Variants in ZCCHC7 observed in about 807,000 individuals in gnomAD.
The protein encoded by ZCCHC7 is zinc finger CCHC-type containing 7, also known as zinc finger CCHC domain-containing protein 7.
In ZCCHC7, 35 loss-of-function variants were observed where a neutral mutation model predicts 52.0. The observed-to-expected ratio is 0.67, with a 90% CI of 0.51 to 0.89. The LOEUF (loss-of-function observed/expected upper bound fraction) is 0.89, where lower values mean the gene tolerates loss of function less well. Ranked by LOEUF, ZCCHC7 falls within the 40% of genes least tolerant of loss-of-function variation. The probability of loss-of-function intolerance (pLI) is 0.00; values close to 1 mark genes in which losing one functional copy is unlikely to be tolerated. For missense variants in ZCCHC7, 574 were observed against 649.1 expected, an observed-to-expected ratio of 0.88 and a Z score of 1.26; for synonymous variants, 217 against 221.5, an observed-to-expected ratio of 0.98 and a Z score of 0.18.
intron 1 of ZCCHC7, among the ~76,000 whole-genome samples, chr9:37,122,681 T>C (rs1440357633): frequency 1.3e-5 from 2 of 152,278 alleles, no homozygotes; most frequent in Non-Finnish European, 2.9e-5. Flanking sequence ...GGCTCACGCC[T>C]GTAATCCAGG....
intron 2 of ZCCHC7, among the ~76,000 whole-genome samples, chr9:37,215,641 C>T (rs1426828807): frequency 2.0e-5 from 3 of 152,118 alleles, no homozygotes; most frequent in Non-Finnish European, 2.9e-5. Flanking sequence ...GAGCAGCACA[C>T]GTTACTGACA....
At chr9:37,249,538 G>A (rs570801341) in intron 2 of ZCCHC7, among the ~76,000 whole-genome samples, 8 of 137,288 alleles carry the variant, frequency 5.8e-5, no homozygotes, top group African/African-American at 1.9e-4. Context: ...TGCAACCTCC[G>A]CATCCTGGGT....
Position 37,304,211 on chromosome 9 carries a change from A to ACCT in ZCCHC7, c.679_681dup (p.Pro227dup), listed in dbSNP as rs754176623. On this transcript the variant is annotated inframe_insertion, in exon 4 of 9. Coordinates refer to ENST00000336755, the MANE Select transcript of ZCCHC7 (RefSeq NM_032226.3). Reference sequence around the variant, plus strand: ...AGGCCCAGATAGCTAATAACCGAACACCTGGAAGATGGACCCAGCGGTACT... The same window carrying ACCT: ...AGGCCCAGATAGCTAATAACCGAACACCTCCTGGAAGATGGACCCAGCGGTACT... 7.5e-5 allele frequency: 121 copies of ACCT among 1,612,756 alleles called. 2 individuals carry two copies. The South Asian group carries it at 1.3e-3, about 17-fold the overall frequency.
rs139511481 is a variant in ZCCHC7, at chr9:37,292,903, C to G, written c.611-9285C>G. Reference sequence around the variant, plus strand: ...ACAGTCTTAGATCTCAGGTGATGAACAACTGTAATGACTGGAAGGGGGAAC... The same window carrying G: ...ACAGTCTTAGATCTCAGGTGATGAAGAACTGTAATGACTGGAAGGGGGAAC... On this transcript the variant is annotated intron_variant, in intron 2 of 8. Coordinates refer to ENST00000336755, the MANE Select transcript of ZCCHC7 (RefSeq NM_032226.3). Among the ~76,000 whole-genome samples, 490 of 152,078 alleles carry G rather than the reference C, an allele frequency of 3.2e-3. 2 individuals carry two copies. The highest frequency in any genetic ancestry group is 0.011 in the African/African-American group (463 of 41,498).
intron 1 of ZCCHC7, among the ~76,000 whole-genome samples, chr9:37,125,030 T>A (rs1428638304): frequency 1.3e-5 from 2 of 152,216 alleles, no homozygotes; most frequent in African/African-American, 4.8e-5. Flanking sequence ...TTCTTTATTT[T>A]TAGCAGATAT....
intron 6 of ZCCHC7, among the ~76,000 whole-genome samples, chr9:37,330,027 A>G (rs572694573): frequency 6.6e-6 from 1 of 151,936 alleles, no homozygotes; most frequent in Non-Finnish European, 1.5e-5. Flanking sequence ...GGAGCTTTAC[A>G]GTTGCTTTTA....
intron 2 of ZCCHC7, among the ~76,000 whole-genome samples, chr9:37,290,339 T>C (rs1828474367): frequency 6.6e-6 from 1 of 152,116 alleles, no homozygotes; most frequent in African/African-American, 2.4e-5. Flanking sequence ...AATTTTTTTT[T>C]ATTTTGAGTG....
chr9:37,294,424 A>T (rs756547258), intron 2 of ZCCHC7, among the ~76,000 whole-genome samples: 26 of 152,328 alleles, frequency 1.7e-4, no homozygotes, highest in Admixed American at 3.3e-4. Context: ...ATCCATAAAC[A>T]CTGGTTAGGT....
intron 5 of ZCCHC7, among the ~76,000 whole-genome samples, chr9:37,309,688 G>A (rs1344674619): frequency 4.6e-5 from 7 of 152,152 alleles, no homozygotes; most frequent in African/African-American, 1.4e-4. Flanking sequence ...TTGGGAGGCC[G>A]AGGTAGGCAG....
At chr9:37,226,797 G>A (rs569047962) in intron 2 of ZCCHC7, among the ~76,000 whole-genome samples, 1 of 152,246 alleles carries the variant, frequency 6.6e-6, no homozygotes, top group East Asian at 1.9e-4. Context: ...TTGAGACACC[G>A]AGGCGGGTGG....
intron 5 of ZCCHC7, among the ~76,000 whole-genome samples, chr9:37,306,414 T>C (rs369120969): frequency 1.3e-5 from 2 of 151,902 alleles, no homozygotes; most frequent in Non-Finnish European, 2.9e-5. Context: ...TTAGCAGTTA[T>C]ATACAGATGT....
intron 2 of ZCCHC7, among the ~76,000 whole-genome samples, chr9:37,282,140 A>T (rs1174791730): frequency 6.6e-6 from 1 of 152,150 alleles, no homozygotes; most frequent in East Asian, 1.9e-4. Context: ...CATGTTTTCT[A>T]TCAAAAATAA....
chr9:37,120,723 G>GC, intron 1 of ZCCHC7, 100 bp downstream of exon 1: 1 of 361,870 alleles, frequency 2.8e-6, no homozygotes, highest in South Asian at 1.4e-4. Flanking sequence ...GTGCCCCCTC[G>GC]CCGGCCTCGA....
intron 2 of ZCCHC7, among the ~76,000 whole-genome samples, chr9:37,280,150 A>AG (rs1030407162): frequency 2.6e-5 from 4 of 152,208 alleles, no homozygotes; most frequent in African/African-American, 9.6e-5. Flanking sequence ...CAAAAAAAAA[A>AG]AGGGATGTTT....
chr9:37,327,566 AAG>A, intron 5 of ZCCHC7: 1 of 439,754 alleles, frequency 2.3e-6, no homozygotes, highest in Non-Finnish European at 4.1e-6. Context: ...TGAAAAGAAA[AAG>A]AGAGAAAACT....
chr9:37,320,180 C>T (rs1394840157), intron 5 of ZCCHC7, among the ~76,000 whole-genome samples: 1 of 152,124 alleles, frequency 6.6e-6, no homozygotes, highest in Non-Finnish European at 1.5e-5. Context: ...TGGGTTCAAG[C>T]AATTCTCCTG....
In ZCCHC7 at chr9:37,126,817, A is replaced by G. The variant is rs764392007; in HGVS notation, c.485A>G (p.Glu162Gly). The change falls in exon 2 of 9, where the codon GAG becomes GGG. Residue 162 changes from glutamate (E) to glycine (G), a missense_variant. Transcript: ENST00000336755. ...VMIIEVSSSE[E>G]EESTISEGDN... ...ATTATAGAGGTCAGTTCAAGTGAAG[A>G]GGAAGAGAGCACCATTTCAGAAGGT... The G allele has an allele frequency of 1.9e-6, 3 of 1,614,204 alleles. No individual in the cohort carries two copies. Among genetic ancestry groups the G allele is most frequent in the Non-Finnish European group, 1.7e-6 (2 of 1,180,022 alleles).
At chr9:37,194,972 G>A (rs1471815717) in intron 2 of ZCCHC7, among the ~76,000 whole-genome samples, 1 of 148,258 alleles carries the variant, frequency 6.7e-6, no homozygotes, top group East Asian at 2.0e-4. Context: ...TTTGAGATGG[G>A]GTCTCACTCT....
At chr9:37,161,593 A>G (rs1821111384) in intron 2 of ZCCHC7, among the ~76,000 whole-genome samples, 2 of 152,126 alleles carry the variant, frequency 1.3e-5, no homozygotes, top group African/African-American at 4.8e-5. Flanking sequence ...AAGAAAAAAA[A>G]GTGGCACAGA....
Sources: allele counts gnomAD v4.1 joint callset (sites outside exome capture counted in the v4.1 genomes callset), GRCh38; gene constraint gnomAD v4.1.1; transcripts MANE v1.5; gene names NCBI Gene and HGNC (gene_info 2026-07-23, HGNC 2026-07-21).